ARL15: variants seen among roughly 807,000 people sequenced by gnomAD.
The protein encoded by ARL15 is ARF like GTPase 15.
A neutral mutation model predicts 25.2 loss-of-function variants in ARL15; 19 were observed. The observed-to-expected ratio is 0.75, with a 90% CI of 0.53 to 1.10. ARL15 has a LOEUF of 1.10. Among genes scored for constraint, ARL15 ranks in the 50% least tolerant of loss-of-function variants. The probability of loss-of-function intolerance (pLI) is 0.00; values close to 1 mark genes in which losing one functional copy is unlikely to be tolerated. For synonymous variants in ARL15, 94 were observed against 86.8 expected, an observed-to-expected ratio of 1.08 and a Z score of -0.46; for missense variants, 220 against 246.0, an observed-to-expected ratio of 0.89 and a Z score of 0.71.
chr5:54,076,847 C>G (rs1197975233), intron 4 of ARL15, among the ~76,000 whole-genome samples: 2 of 151,904 alleles, frequency 1.3e-5, no homozygotes, highest in African/African-American at 4.8e-5. Context: ...AAGACATCAG[C>G]GTTAATTCCT....
intron 1 of ARL15, among the ~76,000 whole-genome samples, chr5:54,210,770 T>C (rs1379134010): frequency 1.3e-5 from 2 of 152,202 alleles, no homozygotes; most frequent in Non-Finnish European, 2.9e-5. Flanking sequence ...TACAAATATA[T>C]TAGAATTGAA....
intron 4 of ARL15, among the ~76,000 whole-genome samples, chr5:54,074,493 T>A (rs1332339310): frequency 1.3e-5 from 2 of 152,172 alleles, no homozygotes; most frequent in East Asian, 3.8e-4. Flanking sequence ...GAAGATAAGA[T>A]CCTAAGAGGA....
At chr5:54,123,009 A>G (rs1200914112) in intron 3 of ARL15, among the ~76,000 whole-genome samples, 6 of 152,106 alleles carry the variant, frequency 3.9e-5, no homozygotes, top group South Asian at 2.1e-4. Context: ...GTGAATGGGG[A>G]GTGATTATGT....
chr5:53,996,046 T>C (rs761981681), intron 4 of ARL15, among the ~76,000 whole-genome samples: 10 of 152,208 alleles, frequency 6.6e-5, no homozygotes, highest in Admixed American at 1.3e-4. Flanking sequence ...TCCTGGGGGT[T>C]CATACATTAT....
chr5:53,999,738 A>C (rs6866586), intron 4 of ARL15, among the ~76,000 whole-genome samples: 42,799 of 151,662 alleles, frequency 0.28, 6,266 homozygotes, highest in East Asian at 0.46. Context: ...CATGGAGAAA[A>C]CCCCATCTCT....
At chr5:53,965,075 T>C (rs1747504896) in intron 4 of ARL15, among the ~76,000 whole-genome samples, 1 of 152,220 alleles carries the variant, frequency 6.6e-6, no homozygotes, top group Non-Finnish European at 1.5e-5. Flanking sequence ...GAAATCTGCC[T>C]CCTTTAACTT....
At chr5:54,282,577 C>G in intron 1 of ARL15, 2 of 982,056 alleles carry the variant, frequency 2.0e-6, no homozygotes, top group South Asian at 9.5e-5. Context: ...ACAAGAGCAT[C>G]ATTTAAGGAG....
chr5:54,186,362 G>A (rs945465792), intron 1 of ARL15, among the ~76,000 whole-genome samples: 4 of 152,226 alleles, frequency 2.6e-5, no homozygotes, highest in African/African-American at 9.6e-5. Flanking sequence ...AGAGGGCACA[G>A]CTGGATATTT....
rs768692162 is a variant in ARL15 at position 53,886,652 on chromosome 5, C to T, written c.524G>A (p.Cys175Tyr). ...CAGTGCATCCATGTCATCCAGTGAGCAGGGCTGTAGAATCCAGCGTTTTCC... is the reference window on the plus strand; with the variant it reads ...CAGTGCATCCATGTCATCCAGTGAGTAGGGCTGTAGAATCCAGCGTTTTCC... ...ARGKRWILQP[C>Y]SLDDMDALKD... The change falls in exon 5 of 5, where the codon TGC (cysteine) becomes TAC (tyrosine). Residue 175 changes from cysteine to tyrosine, a missense_variant. Cys to Tyr is a radical substitution (Grantham distance 194). Coordinates refer to ENST00000504924, the MANE Select transcript of ARL15 (RefSeq NM_019087.3). The T allele has an allele frequency of 6.3e-7, 1 of 1,575,836 alleles. No individual in the cohort carries two copies. Among genetic ancestry groups the T allele is most frequent in the South Asian group, 1.2e-5 (1 of 85,636 alleles).
chr5:54,098,688 G>A (rs1413475040), intron 4 of ARL15, among the ~76,000 whole-genome samples: 1 of 152,078 alleles, frequency 6.6e-6, no homozygotes, highest in Non-Finnish European at 1.5e-5. Context: ...GATACGATGG[G>A]GTTTCCTCCT....
At chr5:54,259,515 T>C (rs1403233645) in intron 1 of ARL15, among the ~76,000 whole-genome samples, 1 of 152,172 alleles carries the variant, frequency 6.6e-6, no homozygotes, top group Non-Finnish European at 1.5e-5. Context: ...TTCCCTGAAG[T>C]GACGGCAAGT....
At chr5:53,989,826 A>G (rs1694071) in intron 4 of ARL15, among the ~76,000 whole-genome samples, 96,225 of 152,042 alleles carry the variant, frequency 0.63, 30,943 homozygotes, top group East Asian at 0.86. Context: ...GAATTTTGAT[A>G]TGCTTATGCA....
At chr5:53,984,115 ACTT>A (rs2111614961) in intron 4 of ARL15, among the ~76,000 whole-genome samples, 1 of 152,276 alleles carries the variant, frequency 6.6e-6, no homozygotes, top group South Asian at 2.1e-4. Flanking sequence ...ATATAAAATA[ACTT>A]CTTATACTTC....
chr5:54,033,387 T>C (rs1480138103), intron 4 of ARL15, among the ~76,000 whole-genome samples: 2 of 151,994 alleles, frequency 1.3e-5, no homozygotes, highest in African/African-American at 2.4e-5. Context: ...TAAATCACTT[T>C]AGTTGGGCAC....
At chr5:54,287,309 C>A (rs527269701) in intron 1 of ARL15, among the ~76,000 whole-genome samples, 1 of 152,080 alleles carries the variant, frequency 6.6e-6, no homozygotes, top group African/African-American at 2.4e-5. Flanking sequence ...CTGTGCCAGA[C>A]AAGTGCAATG....
chr5:54,044,508 G>A (rs996045444), intron 4 of ARL15, among the ~76,000 whole-genome samples: 3 of 152,080 alleles, frequency 2.0e-5, no homozygotes, highest in African/African-American at 7.2e-5. Flanking sequence ...GCCTCCCAAA[G>A]CGCTGGGATT....
At chr5:54,151,324 A>T (rs1272416529) in intron 3 of ARL15, among the ~76,000 whole-genome samples, 1 of 152,172 alleles carries the variant, frequency 6.6e-6, no homozygotes, top group Non-Finnish European at 1.5e-5. Flanking sequence ...GTCATAATTT[A>T]CCTTGTACTT....
intron 4 of ARL15, among the ~76,000 whole-genome samples, chr5:54,110,793 C>T (rs1210673798): frequency 6.6e-6 from 1 of 152,008 alleles, no homozygotes; most frequent in Non-Finnish European, 1.5e-5. Flanking sequence ...AATACCAATG[C>T]CTGCTCCCAA....
intron 4 of ARL15, among the ~76,000 whole-genome samples, chr5:54,096,689 T>A (rs1369234268): frequency 6.6e-6 from 1 of 152,280 alleles, no homozygotes; most frequent in African/African-American, 2.4e-5. Flanking sequence ...GGATTACAGG[T>A]GTGAGCCACC....
Sources: gnomAD v4.1 joint callset for allele counts (sites outside exome capture counted in the v4.1 genomes callset) on GRCh38, gnomAD v4.1.1 for gene constraint, MANE v1.5 for transcripts, NCBI Gene and HGNC (gene_info 2026-07-23, HGNC 2026-07-21) for gene names.